The following KCNC4 variants were observed in gnomAD, a reference collection of about 807,000 sequenced individuals.
KCNC4 encodes the protein potassium voltage-gated channel subfamily C member 4.
A neutral mutation model predicts 42.8 loss-of-function variants in KCNC4; 23 were observed. That is an observed-to-expected ratio of 0.54 (90% CI 0.39 to 0.76). The LOEUF (loss-of-function observed/expected upper bound fraction) is 0.76, where lower values mean the gene tolerates loss of function less well. Ranked by LOEUF, KCNC4 falls within the 30% of genes least tolerant of loss-of-function variation. The pLI, the probability that KCNC4 is intolerant of heterozygous loss-of-function variation, is 0.00. For missense variants in KCNC4, 751 were observed against 898.2 expected (o/e 0.84, Z 2.10); for synonymous variants, 422 against 393.5 (o/e 1.07, Z -0.86).
intron 1 of KCNC4, among the ~76,000 whole-genome samples, chr1:110,261,375 A>C (rs74596912): frequency 0.077 from 11,676 of 152,288 alleles, 655 homozygotes; most frequent in African/African-American, 0.15. Context: ...AACATTGCTG[A>C]AAAAATTTTA....
chr1:110,264,407 G>T (rs1202109502), intron 1 of KCNC4, among the ~76,000 whole-genome samples: 1 of 152,118 alleles, frequency 6.6e-6, no homozygotes, highest in Non-Finnish European at 1.5e-5. Flanking sequence ...ATTAGCTCTG[G>T]CTCATGGGCA....
exon 4 of KCNC4, chr1:110,240,652 C>T (rs758614355): frequency 1.2e-4 from 19 of 152,344 alleles, no homozygotes; most frequent in Non-Finnish European, 2.2e-4. Context: ...CTCAGAGGCC[C>T]GGAGGATCTG....
At chr1:110,232,182 C>A in intron 3 of KCNC4, 1 of 1,604,818 alleles carries the variant, frequency 6.2e-7, no homozygotes, top group South Asian at 1.1e-5. Context: ...TTGGGTTTCT[C>A]AATAAGGTAC....
chr1:110,249,126 C>T (rs1054836414), downstream of KCNC4: 7 of 152,222 alleles, frequency 4.6e-5, no homozygotes, highest in African/African-American at 9.6e-5. Context: ...CTTCCTGCCC[C>T]ATGGCCAACT....
exon 4 of KCNC4, chr1:110,241,583 G>T (rs1476643991): frequency 6.6e-6 from 1 of 152,212 alleles, no homozygotes; most frequent in Non-Finnish European, 1.5e-5. Flanking sequence ...AATTAACAAA[G>T]AAGGACGTGG....
chr1:110,238,849 A>C (rs1383895177), downstream of KCNC4: 1 of 152,230 alleles, frequency 6.6e-6, no homozygotes, highest in Non-Finnish European at 1.5e-5. Flanking sequence ...CAGGGAAACA[A>C]TGGTGAACAA....
exon 4 of KCNC4, chr1:110,248,128 T>G (rs1369918196): frequency 6.6e-6 from 1 of 152,260 alleles, no homozygotes; most frequent in African/African-American, 2.4e-5. Flanking sequence ...AGGCTTTGTC[T>G]GTCATGAAGA....
chr1:110,230,077 G>C (rs1349618161), intron 3 of KCNC4, among the ~76,000 whole-genome samples: 2 of 152,186 alleles, frequency 1.3e-5, no homozygotes, highest in Admixed American at 1.3e-4. Context: ...GGGGTGTTGT[G>C]TAAAGCCTGT....
chr1:110,252,690 C>T (rs1021828612), downstream of KCNC4, among the ~76,000 whole-genome samples: 3 of 152,180 alleles, frequency 2.0e-5, no homozygotes, highest in African/African-American at 4.8e-5. Flanking sequence ...AAATATTTTA[C>T]ATATCTCATT....
In KCNC4 at chr1:110,212,000, C is replaced by G. The variant is rs760815818; in HGVS notation, c.501C>G (p.Gly167=). Residue 167 remains glycine (G), a synonymous_variant, in exon 1 of 4, where the codon GGC becomes GGG. Coordinates refer to ENST00000438661, the MANE Select transcript of KCNC4 (RefSeq NM_001039574.3). This position sits in a 1 kb window ranked among gnomAD's most constrained non-coding sequence, Gnocchi z 6.5. ...ALDIFESPDG[G]GSGAGPSDEA... ...ACATCTTCGAGAGCCCGGACGGAGGCGGCAGCGGCGCGGGGCCCAGCGACG... is the reference window on the plus strand; with the variant it reads ...ACATCTTCGAGAGCCCGGACGGAGGGGGCAGCGGCGCGGGGCCCAGCGACG... 1 of 1,606,680 alleles carries G rather than the reference C, an allele frequency of 6.2e-7. No homozygotes were observed. The highest frequency in any genetic ancestry group is 1.3e-5 in the African/African-American group (1 of 74,702).
At position 110,226,056 on chromosome 1, in the gene KCNC4, C is replaced by G; in HGVS notation, c.1697C>G (p.Pro566Arg). The G allele has an allele frequency of 6.2e-7, 1 of 1,614,052 alleles. No homozygotes were observed. The highest frequency in any genetic ancestry group is 8.5e-7 in the Non-Finnish European group (1 of 1,179,970). The change falls in exon 3 of 4, where the codon CCG becomes CGG. Residue 566 changes from proline (P) to arginine (R), a missense_variant. By Grantham distance (103) the Pro-to-Arg change is moderately radical. Transcript: ENST00000438661. ...CTCACCCAACCCCTGGCCTCCTCCC[C>G]GACCCCCGAGGAGCGCCGGGCCCTG... ...AGLTQPLASS[P>R]TPEERRALRR...
At chr1:110,225,759 G>T (rs1658353674) in intron 2 of KCNC4, 5 of 559,556 alleles carry the variant, frequency 8.9e-6, no homozygotes, top group South Asian at 4.8e-5. Context: ...GAGACCCTAA[G>T]CTGAGGCTGG....
In KCNC4 at chr1:110,223,137, C is replaced by T. The variant is rs1337137014; in HGVS notation, c.852C>T (p.Ile284=). 3 of 1,614,228 alleles carry T rather than the reference C, an allele frequency of 1.9e-6. No homozygotes were observed. The highest frequency in any genetic ancestry group is 2.2e-5 in the East Asian group (1 of 44,888). The part of the protein sequence containing the change: ...EVETEPILTY[I]EGVCVLWFTL... ...AGACAGAGCCCATCCTGACCTACATCGAGGGCGTATGTGTGCTGTGGTTCA... is the reference window on the plus strand; with the variant it reads ...AGACAGAGCCCATCCTGACCTACATTGAGGGCGTATGTGTGCTGTGGTTCA... The change falls in exon 2 of 4, where the codon ATC becomes ATT. Residue 284 remains isoleucine (I), a synonymous_variant. Coordinates refer to ENST00000438661, the MANE Select transcript of KCNC4 (RefSeq NM_001039574.3). This position sits in a 1 kb window ranked among gnomAD's most constrained non-coding sequence, Gnocchi z 7.5.
chr1:110,278,119 C>A (rs1347720863), intron 1 of KCNC4, among the ~76,000 whole-genome samples: 1 of 134,816 alleles, frequency 7.4e-6, no homozygotes, highest in African/African-American at 2.7e-5. Flanking sequence ...TACCCTCCAG[C>A]CTGGATGACC....
In KCNC4 at chr1:110,211,857, G is replaced by T; in HGVS notation, c.358G>T (p.Asp120Tyr). 1 of 1,611,744 alleles carries T rather than the reference G, an allele frequency of 6.2e-7. No individual in the cohort carries two copies. Among genetic ancestry groups the T allele is most frequent in the Non-Finnish European group, 8.5e-7 (1 of 1,179,856 alleles). ...CACCGGCAAGCTGCACTGCCCCGCGGACGTGTGCGGGCCGCTCTTCGAAGA... is the reference window on the plus strand; with the variant it reads ...CACCGGCAAGCTGCACTGCCCCGCGTACGTGTGCGGGCCGCTCTTCGAAGA... ...YRTGKLHCPADVCGPLFEEEL... is the reference protein window; with the variant it reads ...YRTGKLHCPAYVCGPLFEEEL... The change falls in exon 1 of 4, where the codon GAC becomes TAC. Residue 120 changes from aspartate to tyrosine, a missense_variant. By Grantham distance (160) the Asp-to-Tyr change is radical (BLOSUM62 -3). This residue lies in a region of KCNC4 where 183 missense variants were observed against 255.8 expected (regional missense o/e 0.72). Transcript: ENST00000438661. The surrounding 1 kb of genome is among the most constrained non-coding windows in gnomAD (Gnocchi z 6.5).
At chr1:110,248,387 A>G (rs1659191799) in exon 4 of KCNC4, 1 of 152,096 alleles carries the variant, frequency 6.6e-6, no homozygotes, top group African/African-American at 2.4e-5. Flanking sequence ...GTCATTTGCT[A>G]TTATTAATTA....
chr1:110,219,002 C>CCGG (rs760482393), intron 1 of KCNC4, among the ~76,000 whole-genome samples: 10 of 152,196 alleles, frequency 6.6e-5, no homozygotes, highest in Non-Finnish European at 1.5e-4. Flanking sequence ...AGCCAGTTCA[C>CCGG]CGGCAGTTTT....
chr1:110,258,596 A>G (rs2101073500), intron 1 of KCNC4, among the ~76,000 whole-genome samples: 1 of 152,222 alleles, frequency 6.6e-6, no homozygotes, highest in East Asian at 1.9e-4. Context: ...GTATGTGTTG[A>G]TTTCACAATG....
exon 4 of KCNC4, chr1:110,245,778 G>A (rs959133294): frequency 2.0e-5 from 3 of 152,196 alleles, no homozygotes; most frequent in South Asian, 4.1e-4. Context: ...CTCAGTGCAC[G>A]TATCTTGTCT....
Sources: allele counts gnomAD v4.1 joint callset (sites outside exome capture counted in the v4.1 genomes callset), GRCh38; gene constraint gnomAD v4.1.1; regional missense constraint gnomAD v4.1.1; non-coding constraint Gnocchi (gnomAD v3.1); transcripts MANE v1.5; gene names NCBI Gene and HGNC (gene_info 2026-07-23, HGNC 2026-07-21).